HECA: variants seen among roughly 807,000 people sequenced by gnomAD.
The protein encoded by HECA is HECA ribonucleoprotein granule regulator, also known as headcase protein homolog.
A neutral mutation model predicts 37.6 loss-of-function variants in HECA; 13 were observed. The observed-to-expected ratio is 0.35, with a 90% CI of 0.23 to 0.55. HECA has a LOEUF of 0.55. HECA is among the 20% of genes least tolerant of loss of function. The pLI is 0.90. For synonymous variants in HECA, 307 were observed against 291.5 expected (o/e 1.05, Z -0.54); for missense variants, 527 against 701.9 (o/e 0.75, Z 2.82).
In HECA at chr6:139,176,831, G is replaced by A. The variant is rs1338392178; in HGVS notation, c.1468-110G>A. 1.4e-6 allele frequency: 1 copy of A among 689,938 alleles called. No homozygotes were observed. The highest frequency in any genetic ancestry group is 1.8e-5 in the African/African-American group (1 of 56,622). The allele number at this position is 689,938 out of a possible 1,614,324, so 42.7% of individuals were successfully genotyped here. ...GTTTCCATGTTTTTGGTAGTAAAAG[G>A]GATGCTTTGCAAAGCCCTTGATCAG... is the stretch of plus-strand genomic sequence containing the variant. On this transcript the variant is annotated intron_variant, in intron 3 of 3. Coordinates refer to ENST00000367658, the MANE Select transcript of HECA (RefSeq NM_016217.3). The surrounding 1 kb of genome is among the most constrained non-coding windows in gnomAD (Gnocchi z 4.5).
intron 1 of HECA, among the ~76,000 whole-genome samples, chr6:139,137,815 C>T (rs887503649): frequency 6.6e-6 from 1 of 151,978 alleles, no homozygotes; most frequent in East Asian, 1.9e-4. Context: ...TCTGAAGTGG[C>T]AGACTCAAGT....
Position 139,178,782 on chromosome 6 carries a change from G to A in HECA, c.*1677G>A, listed in dbSNP as rs1775089943. On this transcript the variant is annotated 3_prime_UTR_variant, in exon 4 of 4. Transcript: ENST00000367658. ...GTAGAGACAGCGTTTCACCATGTTA[G>A]CTAGGATGGTCTAGATCTCCTGACC... 1.3e-5 allele frequency: 2 copies of A among 152,134 alleles called. No homozygotes were observed. Among genetic ancestry groups the A allele is most frequent in the South Asian group, 4.1e-4 (2 of 4,832 alleles). The allele number at this position is 152,134 out of a possible 1,614,324, so 9.4% of individuals were successfully genotyped here.
At position 139,141,922 on chromosome 6, in the gene HECA, T is replaced by A. The variant is rs1166120250; in HGVS notation, c.271+6255T>A. 3.1e-5 allele frequency among the ~76,000 whole-genome samples: 4 copies of A among 129,056 alleles called. No individual in the cohort carries two copies. The South Asian group carries it at 1.1e-3, about 34-fold the overall frequency. The allele number at this position is 129,056 out of a possible 152,430, so 84.7% of individuals were successfully genotyped here. A position where few individuals can be genotyped will look rare whatever the true frequency, so the allele number is the denominator to read the frequency against. ...CACATGCCACCATGCCCAGCTAATT[T>A]TTTTTTTTTTTTTTTTTTTTTGGAC... is the stretch of plus-strand genomic sequence containing the variant. On this transcript the variant is annotated intron_variant, in intron 1 of 3. Transcript: ENST00000367658.
chr6:139,162,656 C>T (rs566675365), intron 1 of HECA, among the ~76,000 whole-genome samples: 7 of 152,280 alleles, frequency 4.6e-5, no homozygotes, highest in African/African-American at 1.7e-4. Context: ...GCCCTGGAAT[C>T]CCACACCTGA....
At chr6:139,147,026 T>G (rs1774593124) in intron 1 of HECA, among the ~76,000 whole-genome samples, 1 of 152,098 alleles carries the variant, frequency 6.6e-6, no homozygotes, top group African/African-American at 2.4e-5. Context: ...ACAGCTCCCC[T>G]TTTTGAGTGT....
intron 2 of HECA, among the ~76,000 whole-genome samples, chr6:139,167,858 C>T (rs1022310701): frequency 1.4e-4 from 21 of 151,832 alleles, no homozygotes; most frequent in African/African-American, 2.7e-4. Context: ...GAAGGAGGGG[C>T]GATGGGGAAG....
intron 2 of HECA, chr6:139,170,088 GT>G (rs1774950852): frequency 6.6e-6 from 1 of 152,030 alleles, no homozygotes; most frequent in East Asian, 1.9e-4. Flanking sequence ...TTGTGTTTTT[GT>G]TTTTTTATCC....
intron 1 of HECA, among the ~76,000 whole-genome samples, chr6:139,137,680 C>G (rs1774466735): frequency 8.1e-6 from 1 of 122,804 alleles, no homozygotes; most frequent in Non-Finnish European, 1.7e-5. Context: ...TTCACAGTTT[C>G]CTTTTTTTTC....
Position 139,167,299 on chromosome 6 carries a change from A to G in HECA, c.1287A>G (p.Glu429=), listed in dbSNP as rs1774905122. ...GCCCGTCGAGACATGATGAGATCGA[A>G]TATGATGTTCCTTGTCACCTTCAAG... is the stretch of plus-strand genomic sequence containing the variant. ...FLSPSRHDEI[E]YDVPCHLQGR... The change falls in exon 2 of 4, where the codon GAA becomes GAG. Residue 429 remains glutamate, a synonymous_variant. Transcript: ENST00000367658. 2 of 1,600,312 alleles carry G rather than the reference A, an allele frequency of 1.2e-6. No individual in the cohort carries two copies. The highest frequency in any genetic ancestry group is 2.7e-5 in the African/African-American group (2 of 74,696).
At chr6:139,174,935 T>G (rs1473741210) in intron 3 of HECA, among the ~76,000 whole-genome samples, 1 of 152,196 alleles carries the variant, frequency 6.6e-6, no homozygotes, top group Non-Finnish European at 1.5e-5. Flanking sequence ...ATGATTAGCT[T>G]ATAGTAAATT....
chr6:139,176,914 G>C lies in HECA; in HGVS notation c.1468-27G>C, dbSNP rs949583996. The C allele has an allele frequency of 1.2e-5, 10 of 856,214 alleles. No individual in the cohort carries two copies. The African/African-American group carries it at 1.6e-4, about 14-fold the overall frequency. The allele number at this position is 856,214 out of a possible 1,614,324, so 53.0% of individuals were successfully genotyped here. A position where few individuals can be genotyped will look rare whatever the true frequency, so the allele number is the denominator to read the frequency against. ...AAGTGTTGGGAAGTGGAGGGGTGTT[G>C]TGGCTGATGGTGTCTGTTTCCCCCA... On this transcript the variant is annotated intron_variant, in intron 3 of 3. Coordinates refer to ENST00000367658, the MANE Select transcript of HECA (RefSeq NM_016217.3). This position sits in a 1 kb window ranked among gnomAD's most constrained non-coding sequence, Gnocchi z 4.5.
chr6:139,166,120 T>C, intron 1 of HECA, 164 bp from the exon 2 acceptor site: 1 of 605,528 alleles, frequency 1.7e-6, no homozygotes. Context: ...CTTCATCATA[T>C]TATTCCCTGG....
chr6:139,138,096 T>G (rs577885389), intron 1 of HECA, among the ~76,000 whole-genome samples: 1 of 152,232 alleles, frequency 6.6e-6, no homozygotes, highest in Non-Finnish European at 1.5e-5. Flanking sequence ...TGAGGACTCC[T>G]GGGTGCAAAA....
Position 139,176,943 on chromosome 6 carries a change from C to G in HECA, c.1470C>G (p.Ala490=). 1.1e-6 allele frequency: 1 copy of G among 870,168 alleles called. No homozygotes were observed. The highest frequency in any genetic ancestry group is 2.0e-6 in the Non-Finnish European group (1 of 499,670). The allele number at this position is 870,168 out of a possible 1,614,324, so 53.9% of individuals were successfully genotyped here. Reference sequence around the variant, plus strand: ...CTGATGGTGTCTGTTTCCCCCAGGCCCGCCTGAACTGTAAGCACTGTGGGA... The same window carrying G: ...CTGATGGTGTCTGTTTCCCCCAGGCGCGCCTGAACTGTAAGCACTGTGGGA... ...DILAASPCCQ[A]RLNCKHCGKP... Residue 490 remains alanine (A), a splice_region_variant and synonymous_variant, in exon 4 of 4, where the codon GCC becomes GCG. Coordinates refer to ENST00000367658, the MANE Select transcript of HECA (RefSeq NM_016217.3). The surrounding 1 kb of genome is among the most constrained non-coding windows in gnomAD (Gnocchi z 4.5).
intron 2 of HECA, among the ~76,000 whole-genome samples, chr6:139,169,205 T>TAG (rs1222359500): frequency 4.0e-4 from 61 of 152,236 alleles, no homozygotes; most frequent in African/African-American, 1.3e-3. Context: ...AAACTCTCAT[T>TAG]AATCAGATAT....
chr6:139,166,092 G>A, intron 1 of HECA, 192 bp from the exon 2 acceptor site: 1 of 540,158 alleles, frequency 1.9e-6, no homozygotes, highest in Non-Finnish European at 3.2e-6. Context: ...GATTCCACCA[G>A]ACTGGTTGGT....
chr6:139,176,976 G>A lies in HECA; in HGVS notation c.1503G>A (p.Val501=). 1.1e-6 allele frequency: 1 copy of A among 872,746 alleles called. No individual in the cohort carries two copies. Among genetic ancestry groups the A allele is most frequent in the Non-Finnish European group, 2.0e-6 (1 of 501,498 alleles). The allele number at this position is 872,746 out of a possible 1,614,324, so 54.1% of individuals were successfully genotyped here. ...ACTGTAAGCACTGTGGGAAGCCGGT[G>A]ATCGACGTGAGGATCGGGATGCAGT... ...RLNCKHCGKP[V]IDVRIGMQYF... is the part of the protein sequence containing the mutation. Residue 501 remains valine, a synonymous_variant, in exon 4 of 4, where the codon GTG becomes GTA. Transcript: ENST00000367658. The surrounding 1 kb of genome is among the most constrained non-coding windows in gnomAD (Gnocchi z 4.5).
chr6:139,168,341 G>A (rs978739423), intron 2 of HECA, among the ~76,000 whole-genome samples: 7 of 151,566 alleles, frequency 4.6e-5, no homozygotes, highest in Non-Finnish European at 1.0e-4. Flanking sequence ...AAGAAGTATA[G>A]GGTTTTATCT....
intron 1 of HECA, among the ~76,000 whole-genome samples, chr6:139,136,677 C>G (rs977595507): frequency 4.6e-5 from 7 of 151,630 alleles, no homozygotes; most frequent in African/African-American, 1.5e-4. Context: ...CAATTTCGCC[C>G]AGGCTGGAGC....
Sources: gnomAD v4.1 joint callset for allele counts (sites outside exome capture counted in the v4.1 genomes callset) on GRCh38, gnomAD v4.1.1 for gene constraint, Gnocchi (gnomAD v3.1) non-coding constraint, MANE v1.5 for transcripts, NCBI Gene and HGNC (gene_info 2026-07-23, HGNC 2026-07-21) for gene names.